The following TRIM5 variants were observed in gnomAD, a reference collection of about 807,000 sequenced individuals.
The protein encoded by TRIM5 is tripartite motif containing 5, also known as tripartite motif-containing protein 5.
A neutral mutation model predicts 35.6 loss-of-function variants in TRIM5; 31 were observed. The ratio of observed to expected loss-of-function variants is 0.87; its 90% CI spans 0.65 to 1.18. The LOEUF is 1.18. Ranked by LOEUF, TRIM5 falls within the 50% of genes most tolerant of loss-of-function variation. The pLI is 0.00. For synonymous variants in TRIM5, 243 were observed against 215.6 expected, an observed-to-expected ratio of 1.13 and a Z score of -1.11; for missense variants, 609 against 591.6, an observed-to-expected ratio of 1.03 and a Z score of -0.31.
At chr11:5,595,897 G>A in the TRIM5 span, among the ~76,000 whole-genome samples, 1 of 152,022 alleles carries the variant, frequency 6.6e-6, no homozygotes, top group Non-Finnish European at 1.5e-5. Flanking sequence ...TGGCCGGGAT[G>A]GTCTCAATCT....
At chr11:5,624,649 G>A in the TRIM5 span, among the ~76,000 whole-genome samples, 3 of 152,198 alleles carry the variant, frequency 2.0e-5, no homozygotes, top group Non-Finnish European at 4.4e-5. Flanking sequence ...ATTCTTTGCT[G>A]TGGGAACTGT....
At position 5,666,090 on chromosome 11, in the gene TRIM5, T is replaced by TAAAAAA; in HGVS notation, c.768-15_768-10dup. 7.2e-7 allele frequency: 1 copy of TAAAAAA among 1,381,962 alleles called. No homozygotes were observed. Among genetic ancestry groups the TAAAAAA allele is most frequent in the Non-Finnish European group, 9.7e-7 (1 of 1,026,778 alleles). The allele number at this position is 1,381,962 out of a possible 1,614,324, so 85.6% of individuals were successfully genotyped here. ...AGGTCACGTTCTCCGTCCTAAGAAT[T>TAAAAAA]AAAAAAAAAAAAAAAAACTTCCAAA... On this transcript the variant is annotated splice_polypyrimidine_tract_variant and intron_variant, in intron 5 of 7. Coordinates refer to ENST00000380034, the MANE Select transcript of TRIM5 (RefSeq NM_033034.3).
At chr11:5,646,082 T>A in the TRIM5 span, among the ~76,000 whole-genome samples, 3 of 147,712 alleles carry the variant, frequency 2.0e-5, no homozygotes, top group African/African-American at 5.0e-5. Context: ...ATGTATACAT[T>A]TTAATATACA....
At chr11:5,642,770 T>C in the TRIM5 span, 2 of 1,612,550 alleles carry the variant, frequency 1.2e-6, no homozygotes, top group African/African-American at 1.3e-5. Flanking sequence ...TATCAGTGCT[T>C]ACTCCTTTGT....
chr11:5,644,973 T>C, the TRIM5 span, among the ~76,000 whole-genome samples: 2 of 152,212 alleles, frequency 1.3e-5, no homozygotes, highest in African/African-American at 2.4e-5. Flanking sequence ...CCTGTCTCTG[T>C]ATTGTTCCCA....
At chr11:5,659,412 T>C (rs192307070), downstream of TRIM5, among the ~76,000 whole-genome samples, 31 of 152,304 alleles carry the variant, frequency 2.0e-4, no homozygotes, top group Admixed American at 2.0e-3. Flanking sequence ...GTCTTCCCCA[T>C]CAGATTGCAT....
intron 4 of TRIM5, among the ~76,000 whole-genome samples, chr11:5,677,197 C>T (rs1852053504): frequency 6.6e-6 from 1 of 152,072 alleles, no homozygotes; most frequent in South Asian, 2.1e-4. Context: ...TTTTCACAAC[C>T]CACTCATCTG....
At chr11:5,658,131 A>G in the TRIM5 span, among the ~76,000 whole-genome samples, 1 of 152,164 alleles carries the variant, frequency 6.6e-6, no homozygotes, top group South Asian at 2.1e-4. Flanking sequence ...CTGGCCTGCT[A>G]TGCCCCCATC....
chr11:5,610,240 G>T, the TRIM5 span: 886 of 1,614,132 alleles, frequency 5.5e-4, 5 homozygotes, highest in African/African-American at 9.9e-3. Flanking sequence ...CTGCGAGTGT[G>T]TAGAGGTAAG....
the TRIM5 span, among the ~76,000 whole-genome samples, chr11:5,627,232 T>C: frequency 5.3e-5 from 8 of 151,748 alleles, no homozygotes; most frequent in African/African-American, 1.9e-4. Context: ...ATACAAAAAT[T>C]AGCTGGGCGT....
chr11:5,665,991 T>G lies in TRIM5; in HGVS notation c.858A>C (p.Glu286Asp), dbSNP rs149462837. The G allele has an allele frequency of 3.7e-5, 59 of 1,610,968 alleles. No homozygotes were observed. In the African/African-American group the frequency reaches 7.9e-4, roughly 22 times the overall value. ...FRAPDLKGML[E>D]VFRELTDVRR... ...TCTAGCTCTCCTCACCTCTAAACAC[T>G]TCTAGCATTCCTTTCAGATCAGGAG... The change falls in exon 6 of 8, where the codon GAA becomes GAC. Residue 286 changes from glutamate (E) to aspartate (D), a missense_variant. Coordinates refer to ENST00000380034, the MANE Select transcript of TRIM5 (RefSeq NM_033034.3).
the TRIM5 span, among the ~76,000 whole-genome samples, chr11:5,655,090 G>A: frequency 6.2e-4 from 94 of 152,034 alleles, 1 homozygote; most frequent in East Asian, 3.5e-3. Flanking sequence ...TACTTCGGGA[G>A]GCTGAGGCAG....
chr11:5,637,761 C>T, the TRIM5 span, among the ~76,000 whole-genome samples: 1 of 152,172 alleles, frequency 6.6e-6, no homozygotes, highest in Non-Finnish European at 1.5e-5. Context: ...GTCACCACTG[C>T]TCTACTTTGA....
the TRIM5 span, among the ~76,000 whole-genome samples, chr11:5,635,558 CT>C: frequency 6.6e-6 from 1 of 152,072 alleles, no homozygotes; most frequent in African/African-American, 2.4e-5. Flanking sequence ...ACCCAGCCCC[CT>C]GTTACTTTTT....
At chr11:5,669,640 T>A (rs900826299) in intron 4 of TRIM5, among the ~76,000 whole-genome samples, 1 of 152,212 alleles carries the variant, frequency 6.6e-6, no homozygotes, top group East Asian at 1.9e-4. Flanking sequence ...TGAAAAAAAC[T>A]TTGGAAAGGG....
At chr11:5,634,518 C>T in the TRIM5 span, 12 of 601,262 alleles carry the variant, frequency 2.0e-5, no homozygotes, top group Non-Finnish European at 2.8e-5. Context: ...CACACACACA[C>T]ACACACACAC....
chr11:5,649,492 G>A, the TRIM5 span, among the ~76,000 whole-genome samples: 5 of 152,210 alleles, frequency 3.3e-5, no homozygotes, highest in African/African-American at 9.6e-5. Flanking sequence ...AACCTACATT[G>A]TGGAGTAGTT....
intron 5 of TRIM5, among the ~76,000 whole-genome samples, chr11:5,667,342 G>A (rs369844522): frequency 0.011 from 1,359 of 127,462 alleles, 23 homozygotes; most frequent in African/African-American, 0.038. Flanking sequence ...GAATAGCTGG[G>A]ATTACAGGCA....
At chr11:5,617,463 T>C in the TRIM5 span, among the ~76,000 whole-genome samples, 1,110 of 141,278 alleles carry the variant, frequency 7.9e-3, 102 homozygotes, top group African/African-American at 0.026. Flanking sequence ...CACGTTTCTA[T>C]ACATTATATA....
Sources: gnomAD v4.1 joint callset for allele counts (sites outside exome capture counted in the v4.1 genomes callset) on GRCh38, gnomAD v4.1.1 for gene constraint, MANE v1.5 for transcripts, NCBI Gene and HGNC (gene_info 2026-07-23, HGNC 2026-07-21) for gene names.